Variants in CYB5D1 observed in about 807,000 individuals in gnomAD.
The protein encoded by CYB5D1 is cytochrome b5 domain-containing protein 1.
A neutral mutation model predicts 24.3 loss-of-function variants in CYB5D1; 30 were observed. That is an observed-to-expected ratio of 1.23 (90% CI 0.92 to 1.67). CYB5D1 has a LOEUF of 1.67. CYB5D1 is among the 40% of genes most tolerant of loss of function. CYB5D1 has a pLI of 0.00. For synonymous variants in CYB5D1, 128 were observed against 123.2 expected, an observed-to-expected ratio of 1.04 and a Z score of -0.26; for missense variants, 265 against 296.7, an observed-to-expected ratio of 0.89 and a Z score of 0.79.
chr17:7,858,723 C>G lies in CYB5D1; in HGVS notation c.355C>G (p.Pro119Ala). The G allele has an allele frequency of 6.2e-7, 1 of 1,608,870 alleles. No homozygotes were observed. The highest frequency in any genetic ancestry group is 8.5e-7 in the Non-Finnish European group (1 of 1,177,330). The stretch of plus-strand genomic sequence containing the variant: ...GGACTGGGCCAACGATTTTGGGAAG[C>G]CCTGGTGGCAGGGGTCGTATTATGA... ...CSDWANDFGK[P>A]WWQGSYYEVG... Residue 119 changes from proline (P) to alanine (A), a missense_variant, in exon 3 of 4, where the codon CCC becomes GCC. Physicochemically the swap from Pro to Ala is conservative, Grantham distance 27 (BLOSUM62 -1). Transcript: ENST00000332439.
At position 7,860,735 on chromosome 17, in the gene CYB5D1, T is replaced by C. The variant is rs1267430603; in HGVS notation, c.*1123T>C. On this transcript the variant is annotated 3_prime_UTR_variant, in exon 4 of 4. Transcript: ENST00000332439. ...GCAGTTATTGTCTCTGGAAGGGAGT[T>C]TGCAGAGTTCTCCTGTGGCGAAGAG... 1 of 152,184 alleles carries C rather than the reference T, an allele frequency of 6.6e-6. No homozygotes were observed. The highest frequency in any genetic ancestry group is 1.5e-5 in the Non-Finnish European group (1 of 68,040). The allele number at this position is 152,184 out of a possible 1,614,324, so 9.4% of individuals were successfully genotyped here.
chr17:7,859,941 G>A lies in CYB5D1; in HGVS notation c.*329G>A, dbSNP rs2078870630. ...AGTTCTACAGGGGTGAGGGATGGAA[G>A]GACTTTTTTGGCAATGATGGAAATG... On this transcript the variant is annotated 3_prime_UTR_variant, in exon 4 of 4. Transcript: ENST00000332439. 1.6e-5 allele frequency: 4 copies of A among 253,758 alleles called. No homozygotes were observed. Among genetic ancestry groups the A allele is most frequent in the Non-Finnish European group, 3.1e-5 (4 of 130,880 alleles). 15.7% of individuals were successfully genotyped at this position (253,758 alleles called of 1,614,324 possible). A position where few individuals can be genotyped will look rare whatever the true frequency, so the allele number is the denominator to read the frequency against.
rs1283335860 is a variant in CYB5D1, at chr17:7,858,625, C to T, written c.257C>T (p.Pro86Leu). Residue 86 changes from proline to leucine, a missense_variant, in exon 3 of 4, where the codon CCG becomes CTG. Pro to Leu is a moderately conservative substitution (Grantham distance 98). Coordinates refer to ENST00000332439, the MANE Select transcript of CYB5D1 (RefSeq NM_144607.6). ...TTAAAGATCCGCAAGCACATAGATC[C>T]GCTGACCGGCTGCCTGAGGTACTGC... ...KTRDIRKHID[P>L]LTGCLRYCTP... The T allele has an allele frequency of 6.2e-7, 1 of 1,604,560 alleles. No homozygotes were observed. The highest frequency in any genetic ancestry group is 1.1e-5 in the South Asian group (1 of 90,110).
At position 7,859,472 on chromosome 17, in the gene CYB5D1, A is replaced by T; in HGVS notation, c.547A>T (p.Lys183Ter). Residue 183 changes from lysine (K) to a stop codon, truncating the protein, a stop_gained, in exon 4 of 4, where the codon AAG becomes TAG. Transcript: ENST00000332439. LOFTEE classifies it high-confidence loss of function. ...AASYTWKYEG[K>*]NLNMDFTLEE... ...CAGCTACACGTGGAAATATGAAGGG[A>T]AGAACCTGAACATGGATTTTACCCT... 6.2e-7 allele frequency: 1 copy of T among 1,614,148 alleles called. No individual in the cohort carries two copies. Among genetic ancestry groups the T allele is most frequent in the Non-Finnish European group, 8.5e-7 (1 of 1,180,034 alleles).
At position 7,859,400 on chromosome 17, in the gene CYB5D1, A is replaced by G. The variant is rs200735519; in HGVS notation, c.475A>G (p.Ile159Val). 3 of 1,614,092 alleles carry G rather than the reference A, an allele frequency of 1.9e-6. No individual in the cohort carries two copies. Among genetic ancestry groups the G allele is most frequent in the East Asian group, 2.2e-5 (1 of 44,884 alleles). The change falls in exon 4 of 4, where the codon ATA becomes GTA. Residue 159 changes from isoleucine (I) to valine (V), a missense_variant. Coordinates refer to ENST00000332439, the MANE Select transcript of CYB5D1 (RefSeq NM_144607.6). The part of the protein sequence containing the change: ...HTLEVGVLES[I>V]WEILHRYLPY... ...TCTCCAGGTGGGGGTTCTGGAGTCC[A>G]TATGGGAAATCCTACACCGCTATCT...
chr17:7,858,984 G>C, intron 3 of CYB5D1, 160 bp downstream of exon 3: 2 of 654,746 alleles, frequency 3.1e-6, no homozygotes, highest in Non-Finnish European at 2.5e-6. Context: ...AGGTCCCCAG[G>C]GTTGGGAATT....
In CYB5D1 at chr17:7,858,633, G is replaced by C. The variant is rs146940228; in HGVS notation, c.265G>C (p.Gly89Arg). Residue 89 changes from glycine to arginine, a missense_variant, in exon 3 of 4, where the codon GGC becomes CGC. Coordinates refer to ENST00000332439, the MANE Select transcript of CYB5D1 (RefSeq NM_144607.6). ...DIRKHIDPLT[G>R]CLRYCTPRGR... ...CCGCAAGCACATAGATCCGCTGACC[G>C]GCTGCCTGAGGTACTGCACCCCGCG... is the stretch of plus-strand genomic sequence containing the variant. The C allele has an allele frequency of 3.7e-6, 6 of 1,604,748 alleles. No individual in the cohort carries two copies. In the African/African-American group the frequency reaches 6.7e-5, roughly 18 times the overall value.
rs3744252 is a variant in CYB5D1, at chr17:7,858,608, C to A, written c.240C>A (p.Ile80=). 6.2e-7 allele frequency: 1 copy of A among 1,604,904 alleles called. No individual in the cohort carries two copies. The highest frequency in any genetic ancestry group is 8.5e-7 in the Non-Finnish European group (1 of 1,173,740). The part of the protein sequence containing the change: ...SHWFDPKTRD[I]RKHIDPLTGC... ...TCGCCCCAAACCCTCCTTTAAAGATCCGCAAGCACATAGATCCGCTGACCG... is the reference window on the plus strand; with the variant it reads ...TCGCCCCAAACCCTCCTTTAAAGATACGCAAGCACATAGATCCGCTGACCG... Residue 80 remains isoleucine, a splice_region_variant and synonymous_variant, in exon 3 of 4, where the codon ATC becomes ATA. Transcript: ENST00000332439.
rs149552503 is a variant in CYB5D1 at position 7,860,005 on chromosome 17, A to T, written c.*393A>T. The T allele has an allele frequency of 1.7e-3, 386 of 225,874 alleles. No individual in the cohort carries two copies. The highest frequency in any genetic ancestry group is 2.8e-3 in the Non-Finnish European group (320 of 112,700). The allele number at this position is 225,874 out of a possible 1,614,324, so 14.0% of individuals were successfully genotyped here. ...AAGATGGGATTTACAAAGAAATAGG[A>T]AATGTTTATCATTGACCATACAAAG... On this transcript the variant is annotated 3_prime_UTR_variant, in exon 4 of 4. Transcript: ENST00000332439.
At chr17:7,858,909 C>A in intron 3 of CYB5D1, 85 bp downstream of exon 3, 1 of 1,259,318 alleles carries the variant, frequency 7.9e-7, no homozygotes, top group Non-Finnish European at 1.1e-6. Flanking sequence ...AACATTTTTT[C>A]CATAACCGGT....
At chr17:7,858,944 A>T (rs1342782752) in intron 3 of CYB5D1, 120 bp downstream of exon 3, 27 of 953,182 alleles carry the variant, frequency 2.8e-5, no homozygotes, top group Non-Finnish European at 3.0e-6. Context: ...TGTCCTTTAC[A>T]TTGAGGCAAC....
At chr17:7,858,367 G>A in intron 1 of CYB5D1, 36 bp from the exon 2 acceptor site, 1 of 1,614,122 alleles carries the variant, frequency 6.2e-7, no homozygotes, top group Non-Finnish European at 8.5e-7. Flanking sequence ...TTCTCGAAGG[G>A]CTGGCATTGA....
rs2078869007 is a variant in CYB5D1 at position 7,859,702 on chromosome 17, G to A, written c.*90G>A. Reference sequence around the variant, plus strand: ...AGGAAAAGTGGTGGGGCCGAGGGGTGCCTGGACCCAGATCTCCACTCCTCT... The same window carrying A: ...AGGAAAAGTGGTGGGGCCGAGGGGTACCTGGACCCAGATCTCCACTCCTCT... On this transcript the variant is annotated 3_prime_UTR_variant, in exon 4 of 4. Transcript: ENST00000332439. 4.2e-6 allele frequency: 5 copies of A among 1,184,974 alleles called. No homozygotes were observed. The highest frequency in any genetic ancestry group is 6.2e-6 in the Non-Finnish European group (5 of 809,250). 73.4% of individuals were successfully genotyped at this position (1,184,974 alleles called of 1,614,324 possible). A position where few individuals can be genotyped will look rare whatever the true frequency, so the allele number is the denominator to read the frequency against.
rs1342245566 is a variant in CYB5D1, at chr17:7,859,725, T to C, written c.*113T>C. ...GTGCCTGGACCCAGATCTCCACTCCTCTCCAGGAGCTAGCCTGTGCCCTTC... is the reference window on the plus strand; with the variant it reads ...GTGCCTGGACCCAGATCTCCACTCCCCTCCAGGAGCTAGCCTGTGCCCTTC... On this transcript the variant is annotated 3_prime_UTR_variant, in exon 4 of 4. Transcript: ENST00000332439. 1.1e-6 allele frequency: 1 copy of C among 879,706 alleles called. No homozygotes were observed. Among genetic ancestry groups the C allele is most frequent in the African/African-American group, 1.6e-5 (1 of 61,132 alleles). 54.5% of individuals were successfully genotyped at this position (879,706 alleles called of 1,614,324 possible).
chr17:7,858,609 C>G lies in CYB5D1; in HGVS notation c.241C>G (p.Arg81Gly). ...HWFDPKTRDIRKHIDPLTGCL... is the reference protein window; with the variant it reads ...HWFDPKTRDIGKHIDPLTGCL... ...CGCCCCAAACCCTCCTTTAAAGATC[C>G]GCAAGCACATAGATCCGCTGACCGG... Residue 81 changes from arginine to glycine, a missense_variant, in exon 3 of 4, where the codon CGC (arginine) becomes GGC (glycine). Transcript: ENST00000332439. The G allele has an allele frequency of 6.2e-7, 1 of 1,605,126 alleles. No individual in the cohort carries two copies. Among genetic ancestry groups the G allele is most frequent in the Non-Finnish European group, 8.5e-7 (1 of 1,173,936 alleles).
rs148163823 is a variant in CYB5D1 at position 7,859,345 on chromosome 17, C to T, written c.457-37C>T. On this transcript the variant is annotated intron_variant, in intron 3 of 3. Transcript: ENST00000332439. ...AGCGTGTGTATATGTATACTCCATC[C>T]AGAATTCTGGGGGTGGGGTGCTTCT... 4.6e-5 allele frequency: 72 copies of T among 1,563,528 alleles called. No individual in the cohort carries two copies. In the African/African-American group the frequency reaches 9.1e-4, roughly 20 times the overall value.
chr17:7,860,430 A>G lies in CYB5D1; in HGVS notation c.*818A>G, dbSNP rs964990960. ...CCCAAATAGCCTCTTCAAGACAACT[A>G]CCCCATAAGGTGGATTACCATTACT... On this transcript the variant is annotated 3_prime_UTR_variant, in exon 4 of 4. Coordinates refer to ENST00000332439, the MANE Select transcript of CYB5D1 (RefSeq NM_144607.6). 6.6e-5 allele frequency: 10 copies of G among 151,938 alleles called. No individual in the cohort carries two copies. Among genetic ancestry groups the G allele is most frequent in the African/African-American group, 2.4e-4 (10 of 41,316 alleles). The allele number at this position is 151,938 out of a possible 1,614,324, so 9.4% of individuals were successfully genotyped here.
chr17:7,861,526 G>A lies in CYB5D1; in HGVS notation c.*1914G>A, dbSNP rs536597874. On this transcript the variant is annotated 3_prime_UTR_variant, in exon 4 of 4. Coordinates refer to ENST00000332439, the MANE Select transcript of CYB5D1 (RefSeq NM_144607.6). ...TGCTGTTCCTCTAGTGCAAGCCTCAGGGCCTGTCCTGTGCCTACAGGATGT... is the reference window on the plus strand; with the variant it reads ...TGCTGTTCCTCTAGTGCAAGCCTCAAGGCCTGTCCTGTGCCTACAGGATGT... 5 of 152,298 alleles carry A rather than the reference G, an allele frequency of 3.3e-5. No individual in the cohort carries two copies. The highest frequency in any genetic ancestry group is 6.5e-5 in the Admixed American group (1 of 15,288). The allele number at this position is 152,298 out of a possible 1,614,324, so 9.4% of individuals were successfully genotyped here.
chr17:7,858,983 G>C, intron 3 of CYB5D1, 159 bp downstream of exon 3: 3 of 659,450 alleles, frequency 4.5e-6, no homozygotes, highest in Non-Finnish European at 4.9e-6. Context: ...TAGGTCCCCA[G>C]GGTTGGGAAT....
Sources: gnomAD v4.1 joint callset for allele counts on GRCh38, gnomAD v4.1.1 for gene constraint, MANE v1.5 for transcripts, NCBI Gene and HGNC (gene_info 2026-07-23, HGNC 2026-07-21) for gene names.